Variants in EEF1AKMT1 observed in about 807,000 individuals in gnomAD.
EEF1AKMT1 encodes EEF1A lysine methyltransferase 1.
A neutral mutation model predicts 21.0 loss-of-function variants in EEF1AKMT1; 18 were observed. The ratio of observed to expected loss-of-function variants is 0.86; its 90% CI spans 0.59 to 1.27. EEF1AKMT1 has a LOEUF of 1.27. EEF1AKMT1 is among the 50% of genes most tolerant of loss of function. The pLI, the probability that EEF1AKMT1 is intolerant of heterozygous loss-of-function variation, is 0.00. For missense variants in EEF1AKMT1, 246 were observed against 258.6 expected, an observed-to-expected ratio of 0.95 and a Z score of 0.33; for synonymous variants, 109 against 94.8, an observed-to-expected ratio of 1.15 and a Z score of -0.87.
chr13:20,759,459 A>G (rs1410170576), intron 1 of EEF1AKMT1, among the ~76,000 whole-genome samples: 1 of 152,152 alleles, frequency 6.6e-6, no homozygotes, highest in Non-Finnish European at 1.5e-5. Flanking sequence ...GGGCATCTGT[A>G]GTCCCAGCTA....
intron 2 of EEF1AKMT1, among the ~76,000 whole-genome samples, chr13:20,756,789 T>C (rs938608671): frequency 6.6e-6 from 1 of 152,196 alleles, no homozygotes; most frequent in Non-Finnish European, 1.5e-5. Context: ...TTCCTACTTG[T>C]TTTTTCTACA....
intron 4 of EEF1AKMT1, among the ~76,000 whole-genome samples, chr13:20,729,951 T>G (rs1191664165): frequency 2.0e-5 from 3 of 152,192 alleles, no homozygotes. Context: ...TTGCGTCCCG[T>G]CGCCTTGGGC....
At chr13:20,729,487 T>TAC (rs71198993) in intron 4 of EEF1AKMT1, among the ~76,000 whole-genome samples, 33,650 of 150,566 alleles carry the variant, frequency 0.22, 5,207 homozygotes, top group East Asian at 0.74. Context: ...AAGCAGATTA[T>TAC]ACACACACAC....
chr13:20,732,142 A>G, intron 3 of EEF1AKMT1, 21 bp from the exon 4 acceptor site: 1 of 1,589,262 alleles, frequency 6.3e-7, no homozygotes, highest in Non-Finnish European at 8.6e-7. Flanking sequence ...AAATGAACAC[A>G]CCATGAAACA....
At chr13:20,735,014 T>C (rs2058818427) in intron 3 of EEF1AKMT1, among the ~76,000 whole-genome samples, 1 of 152,202 alleles carries the variant, frequency 6.6e-6, no homozygotes, top group Non-Finnish European at 1.5e-5. Flanking sequence ...TGTTGTCTTA[T>C]TTAGGAATAC....
At chr13:20,764,267 A>T (rs1355187439) in intron 1 of EEF1AKMT1, among the ~76,000 whole-genome samples, 1 of 152,090 alleles carries the variant, frequency 6.6e-6, no homozygotes, top group Non-Finnish European at 1.5e-5. Context: ...ACCCATTTTC[A>T]TTCAGTTCAG....
At position 20,736,733 on chromosome 13, in the gene EEF1AKMT1, C is replaced by CTTTTTT. The variant is rs71087090; in HGVS notation, c.227+984_227+989dup. 3.3e-4 allele frequency among the ~76,000 whole-genome samples: 29 copies of CTTTTTT among 87,076 alleles called. 2 individuals carry two copies. The highest frequency in any genetic ancestry group is 9.2e-4 in the African/African-American group (20 of 21,682). 57.1% of individuals were successfully genotyped at this position (87,076 alleles called of 152,430 possible). On this transcript the variant is annotated intron_variant, in intron 3 of 4. Transcript: ENST00000382758. ...CATTAAGCCTTTTAGAACCATTTGA[C>CTTTTTT]TTTTTTTTTTTTTTTTTTTTTTGAG...
At chr13:20,766,143 C>CA (rs1336603988) in intron 1 of EEF1AKMT1, among the ~76,000 whole-genome samples, 8 of 151,086 alleles carry the variant, frequency 5.3e-5, no homozygotes, top group Non-Finnish European at 7.4e-5. Context: ...ACTAAAAATA[C>CA]AAAAAAATTA....
At chr13:20,744,452 CAT>C (rs1491264662) in intron 2 of EEF1AKMT1, among the ~76,000 whole-genome samples, 1 of 152,186 alleles carries the variant, frequency 6.6e-6, no homozygotes, top group African/African-American at 2.4e-5. Context: ...AGCTTTTGTT[CAT>C]ATGTTTATCA....
chr13:20,733,094 CTT>C (rs56061412), intron 3 of EEF1AKMT1, among the ~76,000 whole-genome samples: 9 of 126,512 alleles, frequency 7.1e-5, no homozygotes, highest in African/African-American at 9.1e-5. Context: ...CTGTGATACA[CTT>C]TTTTTTTTTT....
intron 1 of EEF1AKMT1, among the ~76,000 whole-genome samples, chr13:20,768,590 G>C (rs1794315305): frequency 2.0e-5 from 3 of 152,066 alleles, no homozygotes; most frequent in Non-Finnish European, 4.4e-5. Flanking sequence ...TAGCCATCTT[G>C]GCCTACCCAG....
In EEF1AKMT1 at chr13:20,733,244, C is replaced by T. The variant is rs146860067; in HGVS notation, c.228-1123G>A. 1.8e-3 allele frequency among the ~76,000 whole-genome samples: 267 copies of T among 152,068 alleles called. 3 individuals are homozygous for T. The highest frequency in any genetic ancestry group is 9.1e-3 in the East Asian group (47 of 5,166). The stretch of plus-strand genomic sequence containing the variant: ...CTGAGTAGCTGGGATTACAGGCACC[C>T]GCCACCACGCCTGGCTAATTTTTGT... On this transcript the variant is annotated intron_variant, in intron 3 of 4. Transcript: ENST00000382758.
chr13:20,735,825 A>G lies in EEF1AKMT1; in HGVS notation c.227+1898T>C, dbSNP rs1056259977. The stretch of plus-strand genomic sequence containing the variant: ...TTCTATAATATCCTCAAAAGGATGA[A>G]CAAGACACAATAATAAAGAAATACT... On this transcript the variant is annotated intron_variant, in intron 3 of 4. Transcript: ENST00000382758. Among the ~76,000 whole-genome samples, 5 of 152,214 alleles carry G rather than the reference A, an allele frequency of 3.3e-5. No homozygotes were observed. In the East Asian group the frequency reaches 9.6e-4, roughly 29 times the overall value.
intron 3 of EEF1AKMT1, among the ~76,000 whole-genome samples, chr13:20,735,419 T>C (rs1042116674): frequency 6.6e-6 from 1 of 152,144 alleles, no homozygotes; most frequent in Non-Finnish European, 1.5e-5. Context: ...CGGTTGATGA[T>C]GTACCATGTG....
intron 1 of EEF1AKMT1, among the ~76,000 whole-genome samples, chr13:20,762,019 G>C (rs1269324199): frequency 6.6e-6 from 1 of 152,108 alleles, no homozygotes; most frequent in Non-Finnish European, 1.5e-5. Flanking sequence ...AGGATCACTT[G>C]AGTCTGGAGG....
At chr13:20,748,596 T>C (rs1291574660) in intron 2 of EEF1AKMT1, among the ~76,000 whole-genome samples, 1 of 152,126 alleles carries the variant, frequency 6.6e-6, no homozygotes, top group African/African-American at 2.4e-5. Flanking sequence ...AATACTACGT[T>C]TTAAATGCTA....
intron 1 of EEF1AKMT1, among the ~76,000 whole-genome samples, chr13:20,765,182 A>C (rs2059021774): frequency 6.6e-6 from 1 of 151,542 alleles, no homozygotes; most frequent in Non-Finnish European, 1.5e-5. Flanking sequence ...AATCGCTTGA[A>C]CCCGGGAGGC....
At position 20,738,668 on chromosome 13, in the gene EEF1AKMT1, C is replaced by T. The variant is rs543441750; in HGVS notation, c.145-863G>A. ...TTTGGCCATAAAAAGGAACAGGGTACTGATATATGCTACATGGATGAGTCT... is the reference window on the plus strand; with the variant it reads ...TTTGGCCATAAAAAGGAACAGGGTATTGATATATGCTACATGGATGAGTCT... On this transcript the variant is annotated intron_variant, in intron 2 of 4. Transcript: ENST00000382758. 7.2e-5 allele frequency among the ~76,000 whole-genome samples: 11 copies of T among 152,282 alleles called. No homozygotes were observed. The East Asian group carries it at 2.1e-3, about 29-fold the overall frequency.
chr13:20,769,848 T>C (rs934089718), intron 1 of EEF1AKMT1, among the ~76,000 whole-genome samples: 6 of 151,716 alleles, frequency 4.0e-5, no homozygotes, highest in African/African-American at 4.8e-5. Flanking sequence ...GTGGGCCTCA[T>C]AGACAAAGAC....
Sources: gnomAD v4.1 joint callset for allele counts (sites outside exome capture counted in the v4.1 genomes callset) on GRCh38, gnomAD v4.1.1 for gene constraint, MANE v1.5 for transcripts, NCBI Gene and HGNC (gene_info 2026-07-23, HGNC 2026-07-21) for gene names.